FAM171A1: variants seen among roughly 807,000 people sequenced by gnomAD.
The protein encoded by FAM171A1 is family with sequence similarity 171 member A1.
FAM171A1 carries 23 observed loss-of-function variants against 74.9 expected under a neutral mutation model. That is an observed-to-expected ratio of 0.31 (90% CI 0.22 to 0.44). FAM171A1 has a LOEUF of 0.44. FAM171A1 is among the 20% of genes least tolerant of loss of function. The pLI is 1.00. For synonymous variants in FAM171A1, 527 were observed against 505.7 expected (o/e 1.04, Z -0.57); for missense variants, 1,162 against 1,159.2 (o/e 1.00, Z -0.03).
intron 1 of FAM171A1, among the ~76,000 whole-genome samples, chr10:15,292,380 T>A (rs1835112509): frequency 6.6e-6 from 1 of 152,218 alleles, no homozygotes; most frequent in Non-Finnish European, 1.5e-5. Context: ...TTTCTGCCAT[T>A]CTTTCTTTCA....
chr10:15,368,520 A>G (rs1256921692), intron 1 of FAM171A1, among the ~76,000 whole-genome samples: 1 of 152,236 alleles, frequency 6.6e-6, no homozygotes, highest in Non-Finnish European at 1.5e-5. Context: ...GATTCTACAT[A>G]AAAGCAAGAT....
At position 15,214,261 on chromosome 10, in the gene FAM171A1, A is replaced by C; in HGVS notation, c.1327T>G (p.Ser443Ala). Residue 443 changes from serine (S) to alanine (A), a missense_variant, in exon 8 of 8, where the codon TCC (serine) becomes GCC (alanine). Transcript: ENST00000378116. Reference protein sequence around the residue: ...SCKEEDKSQISFDNLTPSGTL... With the variant: ...SCKEEDKSQIAFDNLTPSGTL... ...CCACTTGGAGTGAGGTTATCAAAGG[A>C]GATCTGGCTTTTATCCTCTTCCTTG... 6.2e-7 allele frequency: 1 copy of C among 1,614,050 alleles called. No individual in the cohort carries two copies. The highest frequency in any genetic ancestry group is 8.5e-7 in the Non-Finnish European group (1 of 1,180,012).
intron 3 of FAM171A1, among the ~76,000 whole-genome samples, chr10:15,264,610 C>A (rs1834713351): frequency 6.7e-6 from 1 of 148,358 alleles, no homozygotes; most frequent in Admixed American, 6.7e-5. Context: ...CATGGTGAAA[C>A]CCTGTTTCTA....
At chr10:15,257,100 A>T (rs1234839162) in intron 3 of FAM171A1, among the ~76,000 whole-genome samples, 1 of 152,218 alleles carries the variant, frequency 6.6e-6, no homozygotes, top group Non-Finnish European at 1.5e-5. Context: ...CTCTGCTAAT[A>T]GGAAGAGAAC....
intron 3 of FAM171A1, among the ~76,000 whole-genome samples, chr10:15,264,688 T>G (rs1271975385): frequency 6.6e-6 from 1 of 150,838 alleles, no homozygotes; most frequent in Admixed American, 6.6e-5. Context: ...GAGGCTAAGG[T>G]GGGAGGATCA....
At chr10:15,254,323 A>G (rs1194338845) in intron 4 of FAM171A1, among the ~76,000 whole-genome samples, 1 of 152,112 alleles carries the variant, frequency 6.6e-6, no homozygotes, top group Non-Finnish European at 1.5e-5. Flanking sequence ...ACCCACCCAC[A>G]GGCTACCCTC....
At chr10:15,299,707 C>CG (rs1220160448) in intron 1 of FAM171A1, among the ~76,000 whole-genome samples, 1 of 151,814 alleles carries the variant, frequency 6.6e-6, no homozygotes, top group African/African-American at 2.4e-5. Context: ...GGGCCGGGTG[C>CG]GGTGGCTCAT....
rs76857731 is a variant in FAM171A1 at position 15,311,074 on chromosome 10, C to T, written c.98-26969G>A. Among the ~76,000 whole-genome samples the T allele has an allele frequency of 3.2e-3, 481 of 152,306 alleles. 7 individuals are homozygous for T. Among genetic ancestry groups the T allele is most frequent in the African/African-American group, 0.011 (441 of 41,570 alleles). On this transcript the variant is annotated intron_variant, in intron 1 of 7. Coordinates refer to ENST00000378116, the MANE Select transcript of FAM171A1 (RefSeq NM_001010924.2). ...GGCGTATCTCTGTTCCAAGCCTTAT[C>T]CCTGCTCTTCATGCAGTTACAGCCT...
intron 1 of FAM171A1, among the ~76,000 whole-genome samples, chr10:15,301,322 G>A (rs1333239388): frequency 6.6e-6 from 1 of 150,412 alleles, no homozygotes; most frequent in African/African-American, 2.4e-5. Flanking sequence ...ACAGGCACAC[G>A]CCAACATGCC....
intron 4 of FAM171A1, 31 bp from the exon 5 acceptor site, chr10:15,248,846 C>A: frequency 6.3e-7 from 1 of 1,583,722 alleles, no homozygotes; most frequent in Non-Finnish European, 8.6e-7. Flanking sequence ...CCATCATTTG[C>A]ATGCAAAGTA....
intron 1 of FAM171A1, among the ~76,000 whole-genome samples, chr10:15,319,400 G>A (rs1374406013): frequency 6.6e-6 from 1 of 152,104 alleles, no homozygotes; most frequent in East Asian, 1.9e-4. Flanking sequence ...ATGGGGGTGA[G>A]GGATAAAAGA....
intron 1 of FAM171A1, among the ~76,000 whole-genome samples, chr10:15,304,264 C>G (rs1355112732): frequency 6.6e-6 from 1 of 152,124 alleles, no homozygotes; most frequent in Non-Finnish European, 1.5e-5. Flanking sequence ...AATTTTGATG[C>G]TTTGACATCT....
intron 1 of FAM171A1, among the ~76,000 whole-genome samples, chr10:15,345,329 T>C (rs1320912137): frequency 6.6e-6 from 1 of 152,200 alleles, no homozygotes; most frequent in Non-Finnish European, 1.5e-5. Flanking sequence ...CCTCAGTGCC[T>C]AGAACAGGGC....
In FAM171A1 at chr10:15,224,763, T is replaced by C. The variant is rs1219281436; in HGVS notation, c.755-3703A>G. The stretch of plus-strand genomic sequence containing the variant: ...CCCCAGCCATGTGGAACTGTGAGTC[T>C]ATTAAACCTCTTTTTCTTTATAAAT... On this transcript the variant is annotated intron_variant, in intron 5 of 7. Coordinates refer to ENST00000378116, the MANE Select transcript of FAM171A1 (RefSeq NM_001010924.2). Among the ~76,000 whole-genome samples, 7 of 152,268 alleles carry C rather than the reference T, an allele frequency of 4.6e-5. No homozygotes were observed. The East Asian group carries it at 7.7e-4, about 17-fold the overall frequency.
intron 1 of FAM171A1, among the ~76,000 whole-genome samples, chr10:15,360,350 C>T (rs1294702223): frequency 1.3e-5 from 2 of 152,168 alleles, no homozygotes; most frequent in African/African-American, 2.4e-5. Flanking sequence ...GGCTAAATTG[C>T]TCCATTTGTG....
chr10:15,305,858 C>T (rs1390689345), intron 1 of FAM171A1, among the ~76,000 whole-genome samples: 2 of 152,066 alleles, frequency 1.3e-5, no homozygotes, highest in Non-Finnish European at 1.5e-5. Flanking sequence ...CGGAGAAAGG[C>T]TTGCTGGTGC....
At chr10:15,318,202 G>A (rs1835445102) in intron 1 of FAM171A1, among the ~76,000 whole-genome samples, 1 of 152,178 alleles carries the variant, frequency 6.6e-6, no homozygotes, top group South Asian at 2.1e-4. Flanking sequence ...GGTGTGATGA[G>A]ATACGGTGTA....
At chr10:15,284,438 G>T (rs76727631) in intron 1 of FAM171A1, among the ~76,000 whole-genome samples, 4 of 137,394 alleles carry the variant, frequency 2.9e-5, no homozygotes. Flanking sequence ...GTGTGTGTGT[G>T]TTTTGAAACA....
At chr10:15,349,445 C>G (rs1186818141) in intron 1 of FAM171A1, among the ~76,000 whole-genome samples, 1 of 152,206 alleles carries the variant, frequency 6.6e-6, no homozygotes, top group African/African-American at 2.4e-5. Context: ...TCCCACAACA[C>G]TCTGCTCCTT....
Sources: allele counts gnomAD v4.1 joint callset (sites outside exome capture counted in the v4.1 genomes callset), GRCh38; gene constraint gnomAD v4.1.1; transcripts MANE v1.5; gene names NCBI Gene and HGNC (gene_info 2026-07-23, HGNC 2026-07-21).